TTLL11: variants seen among roughly 807,000 people sequenced by gnomAD.
TTLL11 encodes the protein tubulin tyrosine ligase like 11.
Under a neutral mutation model 51.7 loss-of-function variants are expected in TTLL11, and 42 were observed. The observed-to-expected ratio is 0.81, with a 90% CI of 0.64 to 1.05. The LOEUF is 1.05. Among genes scored for constraint, TTLL11 ranks in the 50% least tolerant of loss-of-function variants. The pLI, the probability that TTLL11 is intolerant of heterozygous loss-of-function variation, is 0.00. For synonymous variants in TTLL11, 381 were observed against 383.5 expected, an observed-to-expected ratio of 0.99 and a Z score of 0.08; for missense variants, 799 against 940.4, an observed-to-expected ratio of 0.85 and a Z score of 1.97.
chr9:121,924,822 A>C (rs906662222), intron 6 of TTLL11, among the ~76,000 whole-genome samples: 1 of 151,756 alleles, frequency 6.6e-6, no homozygotes, highest in Non-Finnish European at 1.5e-5. Flanking sequence ...TTATCATCTA[A>C]AATTCGTTCT....
chr9:121,882,259 T>C (rs1051452646), intron 6 of TTLL11, among the ~76,000 whole-genome samples: 9 of 152,172 alleles, frequency 5.9e-5, no homozygotes, highest in Admixed American at 5.9e-4. Flanking sequence ...GGCTCACTGC[T>C]GGTCCACCCC....
intron 7 of TTLL11, among the ~76,000 whole-genome samples, chr9:121,862,787 G>C (rs1185487728): frequency 6.6e-6 from 1 of 152,222 alleles, no homozygotes; most frequent in South Asian, 2.1e-4. Context: ...CTTTTCAAAC[G>C]AATCCACATC....
chr9:122,084,225 T>C lies in TTLL11; in HGVS notation c.462+8462A>G, dbSNP rs1416975026. Among the ~76,000 whole-genome samples, 5 of 152,156 alleles carry C rather than the reference T, an allele frequency of 3.3e-5. No individual in the cohort carries two copies. In the East Asian group the frequency reaches 9.6e-4, roughly 29 times the overall value. On this transcript the variant is annotated intron_variant, in intron 1 of 8. Coordinates refer to ENST00000321582, the MANE Select transcript of TTLL11 (RefSeq NM_001139442.2). ...AAGACTACACAGGAGATAAACTGCCTATTCTTCCAGCTTCATTAAGGGTGC... is the reference window on the plus strand; with the variant it reads ...AAGACTACACAGGAGATAAACTGCCCATTCTTCCAGCTTCATTAAGGGTGC...
rs1845954682 is a variant in TTLL11 at position 122,079,802 on chromosome 9, A to C, written c.462+12885T>G. Among the ~76,000 whole-genome samples the C allele has an allele frequency of 2.0e-5, 3 of 152,190 alleles. No homozygotes were observed. In the South Asian group the frequency reaches 6.2e-4, roughly 32 times the overall value. ...AAGCCCTACCTCTGGGTAGAAGATC[A>C]GGGATGACATAAGGAGTTAGAACTA... On this transcript the variant is annotated intron_variant, in intron 1 of 8. Coordinates refer to ENST00000321582, the MANE Select transcript of TTLL11 (RefSeq NM_001139442.2).
In TTLL11 at chr9:121,959,477, C is replaced by T. The variant is rs551053007; in HGVS notation, c.1481+14532G>A. On this transcript the variant is annotated intron_variant, in intron 6 of 8. Coordinates refer to ENST00000321582, the MANE Select transcript of TTLL11 (RefSeq NM_001139442.2). ...CTTCTGGGACCTCCATGACTGGCAC[C>T]AGCAGCCACCCAGTTGCTGAACCTG... Among the ~76,000 whole-genome samples the T allele has an allele frequency of 2.2e-4, 34 of 152,300 alleles. 2 individuals carry two copies. The highest frequency in any genetic ancestry group is 2.0e-3 in the Admixed American group (31 of 15,294).
chr9:122,047,312 G>A (rs1845035309), intron 1 of TTLL11, among the ~76,000 whole-genome samples: 1 of 152,270 alleles, frequency 6.6e-6, no homozygotes, highest in South Asian at 2.1e-4. Flanking sequence ...AAGAATGGGA[G>A]TTGACTAGGA....
chr9:121,971,744 G>C (rs62574008), intron 6 of TTLL11, among the ~76,000 whole-genome samples: 2 of 58,932 alleles, frequency 3.4e-5, no homozygotes, highest in African/African-American at 9.4e-5. Flanking sequence ...CCTCTGCCTT[G>C]GGAAAAAAAA....
intron 6 of TTLL11, among the ~76,000 whole-genome samples, chr9:121,892,721 G>A (rs901837367): frequency 6.6e-6 from 1 of 152,194 alleles, no homozygotes; most frequent in Non-Finnish European, 1.5e-5. Context: ...GGATGGCAAT[G>A]TCCCGCCACA....
At chr9:121,873,782 C>T (rs1838454450) in intron 6 of TTLL11, among the ~76,000 whole-genome samples, 1 of 150,262 alleles carries the variant, frequency 6.7e-6, no homozygotes. Context: ...AATCTTGCCT[C>T]AGCTTCCTGA....
At chr9:121,910,946 G>A (rs1005325083) in intron 6 of TTLL11, among the ~76,000 whole-genome samples, 3 of 152,160 alleles carry the variant, frequency 2.0e-5, no homozygotes, top group African/African-American at 7.2e-5. Context: ...TAGTCATAGA[G>A]ATTTTTTTAA....
chr9:121,941,760 C>T (rs1841479644), intron 6 of TTLL11, among the ~76,000 whole-genome samples: 7 of 152,162 alleles, frequency 4.6e-5, no homozygotes, highest in Admixed American at 3.9e-4. Flanking sequence ...TCGGGACTGT[C>T]CCCCAGGGAT....
chr9:122,052,419 T>C (rs947145808), intron 1 of TTLL11, among the ~76,000 whole-genome samples: 2 of 152,210 alleles, frequency 1.3e-5, no homozygotes, highest in African/African-American at 4.8e-5. Context: ...TGGGAGCAAC[T>C]CCAAGTCTGT....
At chr9:121,979,953 A>T (rs767168472) in intron 4 of TTLL11, among the ~76,000 whole-genome samples, 5 of 151,602 alleles carry the variant, frequency 3.3e-5, no homozygotes, top group Non-Finnish European at 5.9e-5. Context: ...GCCTGAAGGC[A>T]TTACTTACTT....
At chr9:122,059,615 A>C (rs2131866930) in intron 1 of TTLL11, among the ~76,000 whole-genome samples, 1 of 152,340 alleles carries the variant, frequency 6.6e-6, no homozygotes, top group Admixed American at 6.5e-5. Flanking sequence ...ATTCAGAAAA[A>C]AAATGTGTAA....
intron 4 of TTLL11, among the ~76,000 whole-genome samples, chr9:121,988,100 C>T (rs1842984390): frequency 6.6e-6 from 1 of 152,128 alleles, no homozygotes; most frequent in East Asian, 1.9e-4. Context: ...TCTCCTCTCT[C>T]TCCAGCCTCA....
intron 6 of TTLL11, among the ~76,000 whole-genome samples, chr9:121,951,671 A>G (rs1006822170): frequency 6.6e-6 from 1 of 152,212 alleles, no homozygotes; most frequent in African/African-American, 2.4e-5. Context: ...GTTACAGGAA[A>G]GAGGTCCTGA....
At chr9:121,892,714 T>C (rs1254017150) in intron 6 of TTLL11, among the ~76,000 whole-genome samples, 1 of 152,206 alleles carries the variant, frequency 6.6e-6, no homozygotes, top group African/African-American at 2.4e-5. Context: ...CACAGAGGGA[T>C]GGCAATGTCC....
At position 121,852,426 on chromosome 9, in the gene TTLL11, G is replaced by A. The variant is rs76916557; in HGVS notation, c.1840+7911C>T. ...ACCCGGCCTGTCTAACTCAGCTGCC[G>A]GCTTTCTACACAACACTGGATCCTG... On this transcript the variant is annotated intron_variant, in intron 8 of 8. Transcript: ENST00000321582. Among the ~76,000 whole-genome samples the A allele has an allele frequency of 4.5e-4, 68 of 152,268 alleles. 1 individual carries two copies. The East Asian group carries it at 8.9e-3, about 20-fold the overall frequency.
chr9:121,848,545 G>A lies in TTLL11; in HGVS notation c.1840+11792C>T, dbSNP rs7024808. Reference sequence around the variant, plus strand: ...CCTCCTGAAGTAACAAATGACTATAGTATGTTTGAAGGATACAAGGTTATT... The same window carrying A: ...CCTCCTGAAGTAACAAATGACTATAATATGTTTGAAGGATACAAGGTTATT... On this transcript the variant is annotated intron_variant, in intron 8 of 8. Coordinates refer to ENST00000321582, the MANE Select transcript of TTLL11 (RefSeq NM_001139442.2). Among the ~76,000 whole-genome samples the A allele has an allele frequency of 4.5e-3, 683 of 152,278 alleles. 4 individuals are homozygous for A. Among genetic ancestry groups the A allele is most frequent in the African/African-American group, 0.016 (647 of 41,568 alleles).
Sources: gnomAD v4.1 joint callset for allele counts (sites outside exome capture counted in the v4.1 genomes callset) on GRCh38, gnomAD v4.1.1 for gene constraint, MANE v1.5 for transcripts, NCBI Gene and HGNC (gene_info 2026-07-23, HGNC 2026-07-21) for gene names.